Variants in ROS1 observed in about 807,000 individuals in gnomAD.
ROS1 encodes the protein proto-oncogene tyrosine-protein kinase ROS.
In ROS1, 263 loss-of-function variants were observed where a neutral mutation model predicts 273.5. That is an observed-to-expected ratio of 0.96 (90% CI 0.87 to 1.06). The LOEUF is 1.06. Among genes scored for constraint, ROS1 ranks in the 50% least tolerant of loss-of-function variants. ROS1 has a pLI of 0.00. For synonymous variants in ROS1, 1,008 were observed against 954.1 expected (o/e 1.06, Z -1.04); for missense variants, 2,833 against 2,751.1 (o/e 1.03, Z -0.67).
intron 33 of ROS1, among the ~76,000 whole-genome samples, chr6:117,328,058 GCCAC>G (rs1776775872): frequency 1.3e-5 from 2 of 152,200 alleles, no homozygotes; most frequent in Non-Finnish European, 2.9e-5. Flanking sequence ...ACTGTTTCAA[GCCAC>G]CCAGTTGGTG....
intron 27 of ROS1, 55 bp downstream of exon 27, chr6:117,352,935 A>AT: frequency 6.5e-7 from 1 of 1,535,412 alleles, no homozygotes; most frequent in Non-Finnish European, 8.9e-7. Flanking sequence ...ATGTTATGAG[A>AT]TTTTTCTGAC....
chr6:117,361,391 T>C (rs912861553), intron 22 of ROS1, among the ~76,000 whole-genome samples: 17 of 150,500 alleles, frequency 1.1e-4, no homozygotes, highest in Admixed American at 4.6e-4. Context: ...CTGTATTTTA[T>C]ATATTACTAT....
chr6:117,304,177 C>A (rs1365396092), intron 42 of ROS1, among the ~76,000 whole-genome samples: 1 of 152,130 alleles, frequency 6.6e-6, no homozygotes, highest in African/African-American at 2.4e-5. Flanking sequence ...AAAAGACAAC[C>A]TAATCTTTTA....
rs1269764595 is a variant in ROS1, at chr6:117,383,320, T to A, written c.2478A>T (p.Lys826Asn). 1.2e-6 allele frequency: 2 copies of A among 1,611,538 alleles called. No individual in the cohort carries two copies. The highest frequency in any genetic ancestry group is 2.7e-5 in the African/African-American group (2 of 74,878). ...VLQTQPWFSG[K>N]KVIALTLDLS... ...ATCAGATCTTTTAATTTGTCACCTT[T>A]TTCCCAGAAAACCAAGGCTGTGTCT... The change falls in exon 17 of 44, where the codon AAA becomes AAT. Residue 826 changes from lysine to asparagine, a missense_variant. Coordinates refer to ENST00000368507, the MANE Select transcript of ROS1 (RefSeq NM_001378902.1).
chr6:117,379,757 C>G, intron 17 of ROS1, among the ~76,000 whole-genome samples: 1 of 152,048 alleles, frequency 6.6e-6, no homozygotes, highest in East Asian at 1.9e-4. Context: ...TTCCAACGTG[C>G]CACCAATGGT....
intron 43 of ROS1, among the ~76,000 whole-genome samples, chr6:117,291,696 T>G (rs1208663887): frequency 1.3e-5 from 2 of 152,222 alleles, no homozygotes; most frequent in African/African-American, 2.4e-5. Context: ...TGAGTTAACC[T>G]ACATAGCACA....
At chr6:117,411,137 G>A (rs925397684) in intron 4 of ROS1, among the ~76,000 whole-genome samples, 10 of 152,038 alleles carry the variant, frequency 6.6e-5, no homozygotes, top group African/African-American at 1.2e-4. Context: ...AGGGGAAATC[G>A]ATAATAAAAT....
At chr6:117,318,944 C>A (rs1776097450) in intron 37 of ROS1, among the ~76,000 whole-genome samples, 1 of 152,096 alleles carries the variant, frequency 6.6e-6, no homozygotes, top group African/African-American at 2.4e-5. Context: ...TGAACCAAAG[C>A]CAGCAGTCAT....
chr6:117,317,324 A>C, intron 38 of ROS1, 52 bp from the exon 39 acceptor site: 2 of 1,577,042 alleles, frequency 1.3e-6, no homozygotes, highest in Non-Finnish European at 1.7e-6. Flanking sequence ...CAGGAGTCCT[A>C]GCCGAGGGTC....
chr6:117,349,785 A>G (rs2128633020), intron 27 of ROS1, among the ~76,000 whole-genome samples: 1 of 152,100 alleles, frequency 6.6e-6, no homozygotes, highest in Admixed American at 6.5e-5. Flanking sequence ...TTTGCAATGT[A>G]TATTTACAAC....
intron 43 of ROS1, among the ~76,000 whole-genome samples, chr6:117,293,205 A>G (rs1365187572): frequency 5.3e-5 from 8 of 152,178 alleles, no homozygotes; most frequent in Non-Finnish European, 7.4e-5. Flanking sequence ...ACTCCCACAG[A>G]ACATGGATTT....
chr6:117,419,987 C>T (rs12332806), intron 1 of ROS1, among the ~76,000 whole-genome samples: 18,997 of 152,112 alleles, frequency 0.12, 1,304 homozygotes, highest in African/African-American at 0.16. Context: ...CTCACAATTA[C>T]AATAGCTAAC....
intron 27 of ROS1, among the ~76,000 whole-genome samples, chr6:117,350,190 T>A (rs1289466646): frequency 6.6e-6 from 1 of 152,126 alleles, no homozygotes; most frequent in Non-Finnish European, 1.5e-5. Flanking sequence ...GATAACAAAT[T>A]CTCTCAATTT....
At chr6:117,398,696 A>C (rs1773700126) in intron 7 of ROS1, among the ~76,000 whole-genome samples, 4 of 151,280 alleles carry the variant, frequency 2.6e-5, no homozygotes, top group Non-Finnish European at 4.4e-5. Flanking sequence ...AAAAAAAAAA[A>C]ACTCGCGGTG....
Position 117,319,966 on chromosome 6 carries a change from G to A in ROS1, c.5824C>T (p.Arg1942Cys), listed in dbSNP as rs777678761. ...AAGGCTCCACTTCCCAGCAAGAGAC[G>A]CAGAGTCAGTTTTTCCCGAGGGAAG... ...PAFPREKLTL[R>C]LLLGSGAFGE... Residue 1942 changes from arginine (R) to cysteine (C), a missense_variant, in exon 37 of 44, where the codon CGT becomes TGT. Physicochemically the swap from Arg to Cys is radical, Grantham distance 180. Coordinates refer to ENST00000368507, the MANE Select transcript of ROS1 (RefSeq NM_001378902.1). 6 of 1,613,226 alleles carry A rather than the reference G, an allele frequency of 3.7e-6. No individual in the cohort carries two copies. The highest frequency in any genetic ancestry group is 2.2e-5 in the East Asian group (1 of 44,862).
intron 16 of ROS1, among the ~76,000 whole-genome samples, chr6:117,385,282 C>T (rs113833970): frequency 8.9e-4 from 136 of 152,216 alleles, no homozygotes; most frequent in Middle Eastern, 3.4e-3. Context: ...AGGCCGGGAG[C>T]GGTGGCTCAC....
chr6:117,422,084 G>A (rs1268946685), intron 1 of ROS1, among the ~76,000 whole-genome samples: 2 of 152,106 alleles, frequency 1.3e-5, no homozygotes, highest in Non-Finnish European at 2.9e-5. Context: ...AATCACAGCT[G>A]ACAGCATCCT....
chr6:117,324,451 A>G (rs1776497652), intron 34 of ROS1, 36 bp from the exon 35 acceptor site: 1 of 1,031,830 alleles, frequency 9.7e-7, no homozygotes. Flanking sequence ...ATTAATTCAT[A>G]GATAAAAGCT....
At chr6:117,319,295 T>C (rs990694764) in intron 37 of ROS1, among the ~76,000 whole-genome samples, 6 of 152,148 alleles carry the variant, frequency 3.9e-5, no homozygotes, top group Non-Finnish European at 8.8e-5. Context: ...TCACCTCTTT[T>C]TGTATAGCCT....
Sources: gnomAD v4.1 joint callset for allele counts (sites outside exome capture counted in the v4.1 genomes callset) on GRCh38, gnomAD v4.1.1 for gene constraint, MANE v1.5 for transcripts, NCBI Gene and HGNC (gene_info 2026-07-23, HGNC 2026-07-21) for gene names.